The following PHACTR2 variants were observed in gnomAD, a reference collection of about 807,000 sequenced individuals.
The protein encoded by PHACTR2 is chromosome 6 open reading frame 56.
In PHACTR2, 30 loss-of-function variants were observed where a neutral mutation model predicts 76.0. The ratio of observed to expected loss-of-function variants is 0.39; its 90% CI spans 0.30 to 0.54. The LOEUF (loss-of-function observed/expected upper bound fraction) is 0.54. Ranked by LOEUF, PHACTR2 falls within the 20% of genes least tolerant of loss-of-function variation. The pLI is 0.61. For synonymous variants in PHACTR2, 292 were observed against 292.5 expected, an observed-to-expected ratio of 1.00 and a Z score of 0.02; for missense variants, 696 against 781.1, an observed-to-expected ratio of 0.89 and a Z score of 1.30.
In PHACTR2 at chr6:143,739,797, T is replaced by C. The variant is rs1778900202; in HGVS notation, c.215-9188T>C. The stretch of plus-strand genomic sequence containing the variant: ...TAGGTCCCCATGGGCTGATCTCCCA[T>C]GTCCATTCCCTTCTGCTGTTTGCGC... On this transcript the variant is annotated intron_variant, in intron 2 of 12. Coordinates refer to ENST00000440869, the MANE Select transcript of PHACTR2 (RefSeq NM_001100164.2). This position sits in a 1 kb window ranked among gnomAD's most constrained non-coding sequence, Gnocchi z 4.3. Among the ~76,000 whole-genome samples, 1 of 152,206 alleles carries C rather than the reference T, an allele frequency of 6.6e-6. No individual in the cohort carries two copies. The highest frequency in any genetic ancestry group is 1.5e-5 in the Non-Finnish European group (1 of 68,026).
chr6:143,566,464 T>TTTG (rs545413183), intron 1 of PHACTR2, among the ~76,000 whole-genome samples: 119 of 151,828 alleles, frequency 7.8e-4, no homozygotes, highest in African/African-American at 2.3e-3. Flanking sequence ...CAGCTATTCT[T>TTTG]TTGTTGTTGT....
At position 143,807,824 on chromosome 6, in the gene PHACTR2, C is replaced by T. The variant is rs963785155; in HGVS notation, c.1922+691C>T. Among the ~76,000 whole-genome samples the T allele has an allele frequency of 6.6e-6, 1 of 152,176 alleles. No homozygotes were observed. The highest frequency in any genetic ancestry group is 2.4e-5 in the African/African-American group (1 of 41,448). On this transcript the variant is annotated intron_variant, in intron 12 of 12. Transcript: ENST00000440869. The surrounding 1 kb of genome is among the most constrained non-coding windows in gnomAD (Gnocchi z 5.5). ...ACCTAACCCGGTAACAAATATTGAT[C>T]CCCTAAGCTACAGCCATACATCCTG...
At chr6:143,727,372 A>T (rs1778596453) in intron 2 of PHACTR2, among the ~76,000 whole-genome samples, 1 of 152,010 alleles carries the variant, frequency 6.6e-6, no homozygotes, top group African/African-American at 2.4e-5. Flanking sequence ...ATGGACACTT[A>T]GGTTGATTCC....
rs34096520 is a variant in PHACTR2 at position 143,652,066 on chromosome 6, C to CAA, written c.13+43758_13+43759dup. On this transcript the variant is annotated intron_variant, in intron 1 of 11. Transcript: ENST00000305766. The surrounding 1 kb of genome is among the most constrained non-coding windows in gnomAD (Gnocchi z 4.5). Reference sequence around the variant, plus strand: ...AGAAATTAAAGTTCTGTTGTTTAAGCAAAAAAAAAAAAAAAGGCCGGTAAA... The same window carrying CAA: ...AGAAATTAAAGTTCTGTTGTTTAAGCAAAAAAAAAAAAAAAAAGGCCGGTAAA... 1.9e-5 allele frequency among the ~76,000 whole-genome samples: 2 copies of CAA among 107,806 alleles called. No individual in the cohort carries two copies. Among genetic ancestry groups the CAA allele is most frequent in the African/African-American group, 3.2e-5 (1 of 31,404 alleles). The allele number at this position is 107,806 out of a possible 152,430, so 70.7% of individuals were successfully genotyped here. A position where few individuals can be genotyped will look rare whatever the true frequency, so the allele number is the denominator to read the frequency against.
chr6:143,745,211 C>T (rs923919030), intron 2 of PHACTR2, among the ~76,000 whole-genome samples: 1 of 152,132 alleles, frequency 6.6e-6, no homozygotes, highest in Non-Finnish European at 1.5e-5. Context: ...GGATCAGATT[C>T]GAGCAGGCTG....
At chr6:143,770,169 A>C (rs1457604259) in intron 6 of PHACTR2, among the ~76,000 whole-genome samples, 1 of 152,216 alleles carries the variant, frequency 6.6e-6, no homozygotes, top group African/African-American at 2.4e-5. Context: ...TTCAGCCTTA[A>C]AAAGGAAGCA....
At chr6:143,622,657 A>G (rs1385907340) in intron 1 of PHACTR2, among the ~76,000 whole-genome samples, 1 of 152,246 alleles carries the variant, frequency 6.6e-6, no homozygotes, top group East Asian at 1.9e-4. Context: ...GCCAAATGCA[A>G]ACGATGCAAA....
intron 1 of PHACTR2, among the ~76,000 whole-genome samples, chr6:143,632,635 G>T (rs773165087): frequency 7.2e-5 from 11 of 152,076 alleles, no homozygotes; most frequent in Non-Finnish European, 1.5e-4. Flanking sequence ...TTCACTCTTG[G>T]TGTTGTACAT....
chr6:143,722,274 A>C lies in PHACTR2; in HGVS notation c.214+10091A>C, dbSNP rs535771380. Among the ~76,000 whole-genome samples the C allele has an allele frequency of 8.9e-4, 135 of 151,942 alleles. 1 individual carries two copies. The highest frequency in any genetic ancestry group is 3.9e-3 in the South Asian group (19 of 4,828). ...GGATATATGTACATATCATATCCAC[A>C]TTTCTTGGATGCTAGTTTCTCCGAA... On this transcript the variant is annotated intron_variant, in intron 2 of 12. Coordinates refer to ENST00000440869, the MANE Select transcript of PHACTR2 (RefSeq NM_001100164.2). This position sits in a 1 kb window ranked among gnomAD's most constrained non-coding sequence, Gnocchi z 4.1.
In PHACTR2 at chr6:143,627,224, G is replaced by T. The variant is rs1776277066; in HGVS notation, c.13+18902G>T. 6.6e-6 allele frequency among the ~76,000 whole-genome samples: 1 copy of T among 152,134 alleles called. No homozygotes were observed. The highest frequency in any genetic ancestry group is 1.5e-5 in the Non-Finnish European group (1 of 68,036). On this transcript the variant is annotated intron_variant, in intron 1 of 11. Coordinates refer to the PHACTR2 transcript ENST00000305766. This position sits in a 1 kb window ranked among gnomAD's most constrained non-coding sequence, Gnocchi z 4.3. Reference sequence around the variant, plus strand: ...TTGGGCTGGGATGTTTGAAGAACAGGTTCAAGTTTGCTAGGCAGAGGGAAA... The same window carrying T: ...TTGGGCTGGGATGTTTGAAGAACAGTTTCAAGTTTGCTAGGCAGAGGGAAA...
Position 143,827,346 on chromosome 6 carries a change from T to C in PHACTR2, c.*3657T>C, listed in dbSNP as rs1776569026. ...CAGACACAACTTTCAAAAATCTTACTGTATTCACAATAGAAAAGGGTAGTC... is the reference window on the plus strand; with the variant it reads ...CAGACACAACTTTCAAAAATCTTACCGTATTCACAATAGAAAAGGGTAGTC... On this transcript the variant is annotated 3_prime_UTR_variant, in exon 13 of 13. Transcript: ENST00000440869. 6.6e-6 allele frequency: 1 copy of C among 151,654 alleles called. No homozygotes were observed. The highest frequency in any genetic ancestry group is 6.6e-5 in the Admixed American group (1 of 15,224). The allele number at this position is 151,654 out of a possible 1,614,324, so 9.4% of individuals were successfully genotyped here. A position where few individuals can be genotyped will look rare whatever the true frequency, so the allele number is the denominator to read the frequency against.
chr6:143,587,434 C>T (rs9399450), intron 1 of PHACTR2, among the ~76,000 whole-genome samples: 63,967 of 151,866 alleles, frequency 0.42, 13,893 homozygotes, highest in African/African-American at 0.46. Context: ...CTTTTATTTC[C>T]AAAGTCAACA....
chr6:143,588,381 TC>T (rs747319699), intron 1 of PHACTR2, among the ~76,000 whole-genome samples: 2 of 152,158 alleles, frequency 1.3e-5, no homozygotes, highest in Non-Finnish European at 2.9e-5. Flanking sequence ...AACCCTTTTT[TC>T]CCCAAATTTT....
In PHACTR2 at chr6:143,678,073, T is replaced by C. The variant is rs527702361; in HGVS notation, c.-91T>C. ...GGGCCGCTCGGCACAGGCCGGGACA[T>C]GAACGCCTGGAAGTCTGGCTGGGAG... On this transcript the variant is annotated 5_prime_UTR_variant, in exon 1 of 13. The change abolishes an upstream ATG in the 5' untranslated region. Coordinates refer to ENST00000440869, the MANE Select transcript of PHACTR2 (RefSeq NM_001100164.2). This position sits in a 1 kb window ranked among gnomAD's most constrained non-coding sequence, Gnocchi z 6.2. 3 of 1,542,330 alleles carry C rather than the reference T, an allele frequency of 1.9e-6. No homozygotes were observed. Among genetic ancestry groups the C allele is most frequent in the Admixed American group, 2.0e-5 (1 of 50,786 alleles).
rs368789020 is a variant in PHACTR2 at position 143,753,718 on chromosome 6, C to T, written c.296-36C>T. The T allele has an allele frequency of 1.7e-5, 25 of 1,505,152 alleles. No individual in the cohort carries two copies. The highest frequency in any genetic ancestry group is 2.2e-5 in the Non-Finnish European group (24 of 1,115,756). The allele number at this position is 1,505,152 out of a possible 1,614,324, so 93.2% of individuals were successfully genotyped here. A position where few individuals can be genotyped will look rare whatever the true frequency, so the allele number is the denominator to read the frequency against. On this transcript the variant is annotated intron_variant, in intron 3 of 12. Coordinates refer to ENST00000440869, the MANE Select transcript of PHACTR2 (RefSeq NM_001100164.2). The surrounding 1 kb of genome is among the most constrained non-coding windows in gnomAD (Gnocchi z 4.6). ...GAAAACTTGTTTTTAAGAAAGCCAG[C>T]AAGTTAGACATCTAGGTGTTTCTTT...
chr6:143,771,158 GTATATATATATATA>G (rs1341330418), intron 6 of PHACTR2, among the ~76,000 whole-genome samples: 4 of 14,590 alleles, frequency 2.7e-4, no homozygotes, highest in African/African-American at 4.5e-4. Context: ...ATATATATAT[GTATATATATATATA>G]TGTATATATA....
At chr6:143,614,884 A>C (rs1209279974) in intron 1 of PHACTR2, among the ~76,000 whole-genome samples, 1 of 152,228 alleles carries the variant, frequency 6.6e-6, no homozygotes, top group Non-Finnish European at 1.5e-5. Flanking sequence ...TTATCAATCC[A>C]AATGTAACAA....
In PHACTR2 at chr6:143,546,809, T is replaced by C. The variant is rs1237726028; in HGVS notation, c.217+9602T>C. Reference sequence around the variant, plus strand: ...GGGAGGTGGAGGCAGAAGGATTGCTTGAGTCCAGGAGCTTGAGACAAGCCT... The same window carrying C: ...GGGAGGTGGAGGCAGAAGGATTGCTCGAGTCCAGGAGCTTGAGACAAGCCT... On this transcript the variant is annotated intron_variant, in intron 1 of 11. Coordinates refer to the PHACTR2 transcript ENST00000367584. The surrounding 1 kb of genome is among the most constrained non-coding windows in gnomAD (Gnocchi z 4.9). Among the ~76,000 whole-genome samples the C allele has an allele frequency of 6.6e-6, 1 of 151,470 alleles. No homozygotes were observed. Among genetic ancestry groups the C allele is most frequent in the Non-Finnish European group, 1.5e-5 (1 of 67,920 alleles).
intron 2 of PHACTR2, among the ~76,000 whole-genome samples, chr6:143,713,198 A>G (rs1778221190): frequency 6.6e-6 from 1 of 152,260 alleles, no homozygotes; most frequent in African/African-American, 2.4e-5. Context: ...GATATGGAAT[A>G]GGAGCATCAA....
Sources: allele counts gnomAD v4.1 joint callset (sites outside exome capture counted in the v4.1 genomes callset), GRCh38; gene constraint gnomAD v4.1.1; non-coding constraint Gnocchi (gnomAD v3.1); transcripts MANE v1.5; gene names NCBI Gene and HGNC (gene_info 2026-07-23, HGNC 2026-07-21).